FBXO40: variants seen among roughly 807,000 people sequenced by gnomAD.
FBXO40 encodes the protein F-box protein 40, also known as F-box only protein 40.
In FBXO40, 50 loss-of-function variants were observed where a neutral mutation model predicts 49.9. That is an observed-to-expected ratio of 1.00 (90% CI 0.80 to 1.27). The LOEUF (loss-of-function observed/expected upper bound fraction) is 1.27. Among genes scored for constraint, FBXO40 ranks in the 50% most tolerant of loss-of-function variants. FBXO40 has a pLI of 0.00. For missense variants in FBXO40, 895 were observed against 870.1 expected (o/e 1.03, Z -0.36); for synonymous variants, 340 against 320.2 (o/e 1.06, Z -0.66).
Position 121,622,842 on chromosome 3 carries a change from C to A in FBXO40, c.1413C>A (p.Ser471Arg). The change falls in exon 3 of 4, where the codon AGC becomes AGA. Residue 471 changes from serine (S) to arginine (R), a missense_variant. Transcript: ENST00000338040. ...GTGTGACCAGGAGACACAACAAAAGCAGCTCTGCCTTCACTTTCACTTGCA... is the reference window on the plus strand; with the variant it reads ...GTGTGACCAGGAGACACAACAAAAGAAGCTCTGCCTTCACTTTCACTTGCA... ...SECVTRRHNK[S>R]SSAFTFTCNK... The A allele has an allele frequency of 6.2e-7, 1 of 1,614,234 alleles. No homozygotes were observed. The highest frequency in any genetic ancestry group is 1.1e-5 in the South Asian group (1 of 91,082).
At chr3:121,618,875 C>T (rs979445444) in intron 1 of FBXO40, among the ~76,000 whole-genome samples, 1 of 149,946 alleles carries the variant, frequency 6.7e-6, no homozygotes, top group Non-Finnish European at 1.5e-5. Context: ...TTTTGGTGTT[C>T]ATTGTATGTA....
chr3:121,627,047 T>C lies in FBXO40; in HGVS notation c.*137T>C. 3 of 741,212 alleles carry C rather than the reference T, an allele frequency of 4.0e-6. No homozygotes were observed. The highest frequency in any genetic ancestry group is 4.5e-6 in the Non-Finnish European group (2 of 448,216). 45.9% of individuals were successfully genotyped at this position (741,212 alleles called of 1,614,324 possible). ...TCGGGGTGTATTGGAACACGCAATG[T>C]CCTTCGAAACCTCAACACGAGGCCT... On this transcript the variant is annotated 3_prime_UTR_variant, in exon 4 of 4. Transcript: ENST00000338040.
intron 1 of FBXO40, among the ~76,000 whole-genome samples, chr3:121,603,484 A>G (rs2048911640): frequency 6.6e-6 from 1 of 152,196 alleles, no homozygotes; most frequent in South Asian, 2.1e-4. Flanking sequence ...CTTGCTCTTT[A>G]ACATTATCTT....
intron 1 of FBXO40, among the ~76,000 whole-genome samples, chr3:121,600,173 G>A (rs1334695071): frequency 6.7e-6 from 1 of 148,332 alleles, no homozygotes; most frequent in African/African-American, 2.5e-5. Flanking sequence ...TAAGACTACA[G>A]GCATGTGTCA....
chr3:121,615,263 G>A (rs1010778824), intron 1 of FBXO40, among the ~76,000 whole-genome samples: 5 of 149,520 alleles, frequency 3.3e-5, no homozygotes, highest in Admixed American at 6.7e-5. Context: ...AGACTAGGGC[G>A]TCCGCAGCAG....
At position 121,622,355 on chromosome 3, in the gene FBXO40, T is replaced by G. The variant is rs200610628; in HGVS notation, c.926T>G (p.Met309Arg). 6.2e-7 allele frequency: 1 copy of G among 1,614,060 alleles called. No homozygotes were observed. The highest frequency in any genetic ancestry group is 8.5e-7 in the Non-Finnish European group (1 of 1,180,036). Residue 309 changes from methionine (M) to arginine (R), a missense_variant, in exon 3 of 4, where the codon ATG (methionine) becomes AGG (arginine). By Grantham distance (91) the Met-to-Arg change is moderately conservative. Coordinates refer to ENST00000338040, the MANE Select transcript of FBXO40 (RefSeq NM_016298.4). ...KTAVDAKDYN[M>R]YLVHNGRMLI... ...GCTGTGGATGCAAAGGACTATAACA[T>G]GTATCTAGTGCACAATGGGCGGATG... is the stretch of plus-strand genomic sequence containing the variant.
Position 121,622,835 on chromosome 3 carries a change from A to G in FBXO40, c.1406A>G (p.Asn469Ser). 1 of 1,614,200 alleles carries G rather than the reference A, an allele frequency of 6.2e-7. No homozygotes were observed. The highest frequency in any genetic ancestry group is 1.3e-5 in the African/African-American group (1 of 75,050). ...AGCGAGTGTGTGACCAGGAGACACA[A>G]CAAAAGCAGCTCTGCCTTCACTTTC... is the stretch of plus-strand genomic sequence containing the variant. The part of the protein sequence containing the change: ...LHSECVTRRH[N>S]KSSSAFTFTC... The change falls in exon 3 of 4, where the codon AAC (asparagine) becomes AGC (serine). Residue 469 changes from asparagine to serine, a missense_variant. Asn to Ser is a conservative substitution (Grantham distance 46). Coordinates refer to ENST00000338040, the MANE Select transcript of FBXO40 (RefSeq NM_016298.4).
intron 1 of FBXO40, among the ~76,000 whole-genome samples, chr3:121,615,471 T>G (rs946522412): frequency 1.4e-5 from 2 of 144,162 alleles, no homozygotes; most frequent in Admixed American, 7.0e-5. Flanking sequence ...GGGAGAATCA[T>G]TTGAACCCGG....
rs545747171 is a variant in FBXO40 at position 121,627,965 on chromosome 3, G to A, written c.*1055G>A. 8 of 398,578 alleles carry A rather than the reference G, an allele frequency of 2.0e-5. No individual in the cohort carries two copies. The highest frequency in any genetic ancestry group is 2.5e-4 in the South Asian group (2 of 7,850). The allele number at this position is 398,578 out of a possible 1,614,324, so 24.7% of individuals were successfully genotyped here. A position where few individuals can be genotyped will look rare whatever the true frequency, so the allele number is the denominator to read the frequency against. The stretch of plus-strand genomic sequence containing the variant: ...GGAGAGGAAGACATGTGAACATAAC[G>A]GCTCCCTGAAATTGCTCCTACCCAT... On this transcript the variant is annotated 3_prime_UTR_variant, in exon 4 of 4. Transcript: ENST00000338040.
chr3:121,613,917 G>A (rs2048982269), intron 1 of FBXO40, among the ~76,000 whole-genome samples: 1 of 152,118 alleles, frequency 6.6e-6, no homozygotes, highest in Non-Finnish European at 1.5e-5. Flanking sequence ...CAGATAACTT[G>A]AGATCAGGAG....
At chr3:121,617,933 G>C (rs2049007193) in intron 1 of FBXO40, among the ~76,000 whole-genome samples, 1 of 152,066 alleles carries the variant, frequency 6.6e-6, no homozygotes, top group African/African-American at 2.4e-5. Flanking sequence ...CCAGGAGGTG[G>C]AGGTTTCAGT....
At chr3:121,614,379 T>TCC (rs1377130676) in intron 1 of FBXO40, among the ~76,000 whole-genome samples, 31 of 150,174 alleles carry the variant, frequency 2.1e-4, no homozygotes, top group Non-Finnish European at 1.0e-4. Flanking sequence ...GAGGCAGAGG[T>TCC]TGCAGTGAGC....
Position 121,622,977 on chromosome 3 carries a change from G to A in FBXO40, c.1548G>A (p.Leu516=). The change falls in exon 3 of 4, where the codon TTG becomes TTA. Residue 516 remains leucine (L), a synonymous_variant. Transcript: ENST00000338040. ...AGCATCGATGCCCCCTCGCCTACTT[G>A]GGATGTACATTTGTTCAAAACCATT... The part of the protein sequence containing the change: ...WFQHRCPLAY[L]GCTFVQNHFR... The A allele has an allele frequency of 6.2e-7, 1 of 1,614,128 alleles. No individual in the cohort carries two copies. The highest frequency in any genetic ancestry group is 8.5e-7 in the Non-Finnish European group (1 of 1,180,022).
In FBXO40 at chr3:121,599,705, C is replaced by CAT. The variant is rs1191192350; in HGVS notation, c.-31+6222_-31+6223dup. On this transcript the variant is annotated intron_variant, in intron 1 of 3. Coordinates refer to ENST00000338040, the MANE Select transcript of FBXO40 (RefSeq NM_016298.4). Reference sequence around the variant, plus strand: ...ACACACACACACACACACACACACACATATATATATATATATATATTTTTT... The same window carrying CAT: ...ACACACACACACACACACACACACACATATATATATATATATATATATTTTTT... Among the ~76,000 whole-genome samples, 292 of 59,494 alleles carry CAT rather than the reference C, an allele frequency of 4.9e-3. 3 individuals are homozygous for CAT. The highest frequency in any genetic ancestry group is 5.9e-3 in the Non-Finnish European group (184 of 31,160). 39.0% of individuals were successfully genotyped at this position (59,494 alleles called of 152,430 possible). A position where few individuals can be genotyped will look rare whatever the true frequency, so the allele number is the denominator to read the frequency against.
chr3:121,622,473 C>T lies in FBXO40; in HGVS notation c.1044C>T (p.Tyr348=). ...AGGCTCAGGAAGTTAAGACTGTTTA[C>T]ACCTTCAAAGTTCCTGTGAGCTACT... ...KLEAQEVKTV[Y]TFKVPVSYCG... The change falls in exon 3 of 4, where the codon TAC becomes TAT. Residue 348 remains tyrosine, a synonymous_variant. Transcript: ENST00000338040. The T allele has an allele frequency of 1.2e-6, 2 of 1,614,208 alleles. No homozygotes were observed. Among genetic ancestry groups the T allele is most frequent in the African/African-American group, 1.3e-5 (1 of 75,060 alleles).
chr3:121,600,711 T>C (rs753324044), intron 1 of FBXO40, among the ~76,000 whole-genome samples: 1 of 152,212 alleles, frequency 6.6e-6, no homozygotes, highest in South Asian at 2.1e-4. Flanking sequence ...GGCCTAGGCC[T>C]CTTTGTGCCT....
At chr3:121,614,950 A>G (rs1040999871) in intron 1 of FBXO40, among the ~76,000 whole-genome samples, 1 of 152,148 alleles carries the variant, frequency 6.6e-6, no homozygotes, top group Admixed American at 6.6e-5. Context: ...CCAGGTGCGG[A>G]GGCTTTCACC....
intron 1 of FBXO40, among the ~76,000 whole-genome samples, chr3:121,599,670 A>ATT (rs1258039423): frequency 9.6e-6 from 1 of 103,734 alleles, no homozygotes. Context: ...ACACACACAC[A>ATT]CATGCACACA....
chr3:121,625,941 C>T (rs181047939), intron 3 of FBXO40, among the ~76,000 whole-genome samples: 1 of 152,294 alleles, frequency 6.6e-6, no homozygotes, highest in African/African-American at 2.4e-5. Flanking sequence ...GTGACTTTGC[C>T]ATCACATCCC....
Sources: gnomAD v4.1 joint callset for allele counts (sites outside exome capture counted in the v4.1 genomes callset) on GRCh38, gnomAD v4.1.1 for gene constraint, MANE v1.5 for transcripts, NCBI Gene and HGNC (gene_info 2026-07-23, HGNC 2026-07-21) for gene names.